Variants in STK24 observed in about 807,000 individuals in gnomAD.
STK24 encodes the protein serine/threonine-protein kinase 24.
In STK24, 21 loss-of-function variants were observed where a neutral mutation model predicts 55.6. The observed-to-expected ratio is 0.38, with a 90% CI of 0.27 to 0.54. The LOEUF (loss-of-function observed/expected upper bound fraction) is 0.54, where lower values mean the gene tolerates loss of function less well. STK24 is among the 20% of genes least tolerant of loss of function. STK24 has a pLI of 0.79. For missense variants in STK24, 383 were observed against 538.4 expected (o/e 0.71, Z 2.86); for synonymous variants, 200 against 215.2 (o/e 0.93, Z 0.62).
At chr13:98,552,468 T>C (rs1461795621) in intron 1 of STK24, among the ~76,000 whole-genome samples, 2 of 152,066 alleles carry the variant, frequency 1.3e-5, no homozygotes, top group Non-Finnish European at 2.9e-5. Flanking sequence ...TCAACCCAGC[T>C]GGGAAAAGAC....
intron 2 of STK24, among the ~76,000 whole-genome samples, chr13:98,514,529 G>A (rs1188538724): frequency 1.3e-5 from 2 of 152,158 alleles, no homozygotes; most frequent in Non-Finnish European, 2.9e-5. Context: ...TTAGTCTTCT[G>A]GTGAATCTGA....
chr13:98,549,271 G>A (rs746824152), intron 1 of STK24, among the ~76,000 whole-genome samples: 2 of 152,184 alleles, frequency 1.3e-5, no homozygotes, highest in African/African-American at 2.4e-5. Context: ...CTGGAGGTTG[G>A]GAAGTCCAAG....
intron 2 of STK24, among the ~76,000 whole-genome samples, chr13:98,483,017 C>A (rs535406994): frequency 1.2e-3 from 183 of 152,358 alleles, no homozygotes; most frequent in African/African-American, 4.3e-3. Flanking sequence ...TCCCTGTGGT[C>A]TCTCTTCAAG....
chr13:98,466,309 A>G, intron 6 of STK24, 67 bp downstream of exon 6: 1 of 1,515,622 alleles, frequency 6.6e-7, no homozygotes, highest in South Asian at 1.3e-5. Flanking sequence ...AGCAATCCCA[A>G]CAGGATGTAT....
chr13:98,476,376 G>C (rs1894378214), intron 3 of STK24, among the ~76,000 whole-genome samples: 1 of 152,302 alleles, frequency 6.6e-6, no homozygotes, highest in South Asian at 2.1e-4. Context: ...ATCGATGCAG[G>C]TAGGGTTCCC....
At chr13:98,460,580 A>G (rs1893662149) in intron 8 of STK24, 140 bp from the exon 9 acceptor site, 14 of 658,552 alleles carry the variant, frequency 2.1e-5, no homozygotes, top group Admixed American at 1.9e-4. Flanking sequence ...TCTGCGCACC[A>G]TAACATCTGA....
chr13:98,517,760 GGCATTCTTC>G (rs1311591356), intron 2 of STK24, among the ~76,000 whole-genome samples: 23 of 152,266 alleles, frequency 1.5e-4, no homozygotes, highest in Middle Eastern at 6.8e-3. Context: ...TCTTCTTGTT[GGCATTCTTC>G]CTCCATTCTT....
intron 1 of STK24, among the ~76,000 whole-genome samples, chr13:98,546,770 G>C (rs982704523): frequency 1.3e-5 from 2 of 152,144 alleles, no homozygotes; most frequent in African/African-American, 4.8e-5. Flanking sequence ...CAAGAAAATT[G>C]ACTTTCTCAA....
chr13:98,467,961 C>CT (rs1231899533), intron 5 of STK24, among the ~76,000 whole-genome samples: 1 of 152,198 alleles, frequency 6.6e-6, no homozygotes. Context: ...TACAGCTTTC[C>CT]TGCTGTTCTC....
intron 1 of STK24, among the ~76,000 whole-genome samples, chr13:98,533,782 G>A (rs1228457064): frequency 6.6e-6 from 1 of 151,558 alleles, no homozygotes; most frequent in Non-Finnish European, 1.5e-5. Flanking sequence ...ACACGCACAC[G>A]CACCACACCA....
intron 5 of STK24, among the ~76,000 whole-genome samples, chr13:98,469,338 C>G (rs1371957837): frequency 6.6e-6 from 1 of 152,172 alleles, no homozygotes; most frequent in African/African-American, 2.4e-5. Context: ...CACTTGAAGC[C>G]AGGAGTTCGA....
At chr13:98,520,760 G>T (rs1367965509) in intron 1 of STK24, among the ~76,000 whole-genome samples, 1 of 152,266 alleles carries the variant, frequency 6.6e-6, no homozygotes, top group Non-Finnish European at 1.5e-5. Flanking sequence ...TTGAAAGCCA[G>T]TCAGCCCATT....
At chr13:98,454,988 G>A (rs1429752682) in intron 10 of STK24, 1 of 152,190 alleles carries the variant, frequency 6.6e-6, no homozygotes, top group East Asian at 1.9e-4. Flanking sequence ...CCCGCCCGAG[G>A]GTAAATAGGG....
intron 1 of STK24, among the ~76,000 whole-genome samples, chr13:98,561,693 C>A (rs1897423102): frequency 6.6e-6 from 1 of 151,950 alleles, no homozygotes; most frequent in Non-Finnish European, 1.5e-5. Flanking sequence ...TGGGGCAGGG[C>A]TGGTCGGGTG....
At chr13:98,512,687 C>T (rs1446043237) in intron 2 of STK24, among the ~76,000 whole-genome samples, 1 of 150,760 alleles carries the variant, frequency 6.6e-6, no homozygotes, top group Non-Finnish European at 1.5e-5. Context: ...ATAATTCTGA[C>T]ATTGGTCATT....
chr13:98,462,171 TC>T, intron 7 of STK24, among the ~76,000 whole-genome samples: 1 of 151,262 alleles, frequency 6.6e-6, no homozygotes, highest in Non-Finnish European at 1.5e-5. Context: ...GGAGAACACC[TC>T]CCCCACCTCC....
In STK24 at chr13:98,466,418, G is replaced by A; in HGVS notation, c.741C>T (p.Leu247=). 4.3e-6 allele frequency: 7 copies of A among 1,613,216 alleles called. No homozygotes were observed. The highest frequency in any genetic ancestry group is 5.1e-6 in the Non-Finnish European group (6 of 1,180,028). The change falls in exon 6 of 11, where the codon CTC becomes CTT. Residue 247 remains leucine (L), a synonymous_variant. Coordinates refer to ENST00000539966, the MANE Select transcript of STK24 (RefSeq NM_001032296.4). ...PTLEGNYSKP[L]KEFVEACLNK... Reference sequence around the variant, plus strand: ...TCAAACAGGCCTCCACAAACTCCTTGAGGGGTTTACTGTAGTTTCCTTCCA... The same window carrying A: ...TCAAACAGGCCTCCACAAACTCCTTAAGGGGTTTACTGTAGTTTCCTTCCA...
intron 2 of STK24, chr13:98,509,022 A>G (rs925347775): frequency 1.3e-5 from 2 of 152,244 alleles, no homozygotes. Flanking sequence ...GCCAAAACAT[A>G]TAGTTTTGGG....
chr13:98,502,749 C>T (rs74109152), intron 2 of STK24, among the ~76,000 whole-genome samples: 3,573 of 152,252 alleles, frequency 0.023, 142 homozygotes, highest in African/African-American at 0.081. Flanking sequence ...GCCTCCAGAA[C>T]TGTGAAAAAT....
Sources: allele counts gnomAD v4.1 joint callset (sites outside exome capture counted in the v4.1 genomes callset), GRCh38; gene constraint gnomAD v4.1.1; transcripts MANE v1.5; gene names NCBI Gene and HGNC (gene_info 2026-07-23, HGNC 2026-07-21).